RGSL1: variants seen among roughly 807,000 people sequenced by gnomAD.
RGSL1 encodes the protein regulator of G protein signaling like 1, also known as regulator of G protein signaling protein-like.
In RGSL1, 97 loss-of-function variants were observed where a neutral mutation model predicts 124.7. The ratio of observed to expected loss-of-function variants is 0.78; its 90% CI spans 0.66 to 0.92. RGSL1 has a LOEUF of 0.92. Among genes scored for constraint, RGSL1 ranks in the 40% least tolerant of loss-of-function variants. The pLI, the probability that RGSL1 is intolerant of heterozygous loss-of-function variation, is 0.00. For missense variants in RGSL1, 1,233 were observed against 1,288.4 expected, an observed-to-expected ratio of 0.96 and a Z score of 0.66; for synonymous variants, 424 against 438.1, an observed-to-expected ratio of 0.97 and a Z score of 0.40.
At chr1:182,490,994 G>A (rs1399727976) in intron 8 of RGSL1, among the ~76,000 whole-genome samples, 3 of 147,040 alleles carry the variant, frequency 2.0e-5, no homozygotes, top group South Asian at 2.2e-4. Context: ...AGACTCAAGC[G>A]AAGCTCCCAC....
At chr1:182,507,962 C>G (rs1656950781) in intron 9 of RGSL1, among the ~76,000 whole-genome samples, 1 of 152,130 alleles carries the variant, frequency 6.6e-6, no homozygotes, top group Non-Finnish European at 1.5e-5. Context: ...TTCAGCCTCT[C>G]AACATGCTGA....
intron 9 of RGSL1, among the ~76,000 whole-genome samples, chr1:182,511,391 C>T (rs971232625): frequency 2.0e-5 from 3 of 152,086 alleles, no homozygotes; most frequent in African/African-American, 7.2e-5. Flanking sequence ...CTCAAACTCC[C>T]GACCTCAGGT....
intron 21 of RGSL1, among the ~76,000 whole-genome samples, chr1:182,556,983 C>T (rs577168573): frequency 1.4e-3 from 220 of 152,316 alleles, no homozygotes; most frequent in Middle Eastern, 3.4e-3. Context: ...GCCAAAGCTT[C>T]CTGCTGTGCC....
intron 8 of RGSL1, 106 bp from the exon 9 acceptor site, chr1:182,492,916 A>G (rs1034761607): frequency 1.3e-6 from 1 of 764,270 alleles, no homozygotes; most frequent in South Asian, 1.5e-5. Flanking sequence ...AACGTGAGCC[A>G]CTGCGCCCAG....
intron 17 of RGSL1, 79 bp downstream of exon 17, chr1:182,548,903 A>G (rs1660393632): frequency 2.7e-6 from 4 of 1,501,986 alleles, no homozygotes; most frequent in African/African-American, 2.8e-5. Context: ...GCCTTCCTCT[A>G]GCACTCTGTT....
intron 3 of RGSL1, 138 bp downstream of exon 3, chr1:182,458,531 GCGATCTTA>G: frequency 1.4e-6 from 1 of 693,890 alleles, no homozygotes; most frequent in South Asian, 1.9e-5. Flanking sequence ...GTGCGGTGAT[GCGATCTTA>G]GCTCACTGCA....
chr1:182,548,475 C>T lies in RGSL1; in HGVS notation c.2808+20C>T, dbSNP rs1660358521. 6.5e-7 allele frequency: 1 copy of T among 1,550,042 alleles called. No homozygotes were observed. Among genetic ancestry groups the T allele is most frequent in the African/African-American group, 1.4e-5 (1 of 72,904 alleles). The stretch of plus-strand genomic sequence containing the variant: ...CTGAGGGTAAGAAAGACTCCCACTC[C>T]ACTCTGGCCTTTCACCAAGAAGCAT... On this transcript the variant is annotated intron_variant, in intron 16 of 21. Coordinates refer to ENST00000294854, the MANE Select transcript of RGSL1 (RefSeq NM_001137669.2).
intron 12 of RGSL1, 60 bp downstream of exon 12, chr1:182,530,421 CCATATGCAT>C: frequency 3.1e-6 from 4 of 1,286,634 alleles, no homozygotes; most frequent in South Asian, 1.3e-5. Flanking sequence ...CTTCTGAAAG[CCATATGCAT>C]CAAGGGTTTC....
chr1:182,535,328 C>T (rs1273337536), intron 14 of RGSL1, among the ~76,000 whole-genome samples: 4 of 152,184 alleles, frequency 2.6e-5, no homozygotes, highest in Non-Finnish European at 5.9e-5. Flanking sequence ...CCCATTGGAA[C>T]TTCCACTCCA....
In RGSL1 at chr1:182,550,780, G is replaced by A. The variant is rs1432781549; in HGVS notation, c.2934-320G>A. The A allele has an allele frequency of 1.1e-5, 3 of 261,620 alleles. No homozygotes were observed. In the East Asian group the frequency reaches 2.3e-4, roughly 20 times the overall value. The allele number at this position is 261,620 out of a possible 1,614,324, so 16.2% of individuals were successfully genotyped here. On this transcript the variant is annotated intron_variant, in intron 17 of 21. Transcript: ENST00000294854. The stretch of plus-strand genomic sequence containing the variant: ...GATAGGGATGTCAGAGTCTGATGCT[G>A]GGGTGCACCCCAGGGGTTAACCTCA...
intron 21 of RGSL1, among the ~76,000 whole-genome samples, chr1:182,559,600 C>T (rs557185349): frequency 1.3e-5 from 2 of 152,318 alleles, no homozygotes; most frequent in East Asian, 1.9e-4. Context: ...ATTTCCTCAG[C>T]GTGAAAGCTT....
chr1:182,460,216 T>C, intron 4 of RGSL1, 83 bp downstream of exon 4: 1 of 1,455,082 alleles, frequency 6.9e-7, no homozygotes, highest in Non-Finnish European at 9.1e-7. Flanking sequence ...TTCATAATAA[T>C]CTTATGCCTG....
intron 9 of RGSL1, among the ~76,000 whole-genome samples, chr1:182,493,537 G>C (rs1034144273): frequency 6.6e-6 from 1 of 152,196 alleles, no homozygotes; most frequent in African/African-American, 2.4e-5. Context: ...AGAGGTAGAT[G>C]CTGAACTGTG....
chr1:182,554,830 T>A lies in RGSL1; in HGVS notation c.3197+137T>A, dbSNP rs1013171500. On this transcript the variant is annotated intron_variant, in intron 20 of 21. Coordinates refer to ENST00000294854, the MANE Select transcript of RGSL1 (RefSeq NM_001137669.2). ...GGCATGCAGAACCTAGAAACTGAGC[T>A]TGCTGCCTCTGGTGGGAAGTTAAAG... The A allele has an allele frequency of 4.9e-6, 4 of 815,972 alleles. No homozygotes were observed. The African/African-American group carries it at 6.9e-5, about 14-fold the overall frequency. The allele number at this position is 815,972 out of a possible 1,614,324, so 50.5% of individuals were successfully genotyped here.
chr1:182,468,534 G>T (rs925913215), intron 4 of RGSL1, among the ~76,000 whole-genome samples: 2 of 152,030 alleles, frequency 1.3e-5, no homozygotes, highest in Non-Finnish European at 2.9e-5. Flanking sequence ...ACCAAACACC[G>T]CATGTTCTCA....
At position 182,466,577 on chromosome 1, in the gene RGSL1, A is replaced by G. The variant is rs201721097; in HGVS notation, c.302-5819A>G. Among the ~76,000 whole-genome samples the G allele has an allele frequency of 3.9e-5, 6 of 152,300 alleles. No individual in the cohort carries two copies. The East Asian group carries it at 1.2e-3, about 29-fold the overall frequency. On this transcript the variant is annotated intron_variant, in intron 4 of 21. Coordinates refer to ENST00000294854, the MANE Select transcript of RGSL1 (RefSeq NM_001137669.2). ...GGAAAATTATGTGAACAATTTCATT[A>G]AATAATAGCATTAAAAAGAATAAAA...
chr1:182,465,580 G>A (rs957100680), intron 4 of RGSL1, among the ~76,000 whole-genome samples: 7 of 151,936 alleles, frequency 4.6e-5, no homozygotes, highest in Non-Finnish European at 1.0e-4. Context: ...CCTGCACATT[G>A]TGCACATGTA....
intron 4 of RGSL1, among the ~76,000 whole-genome samples, chr1:182,467,328 G>A (rs1653425605): frequency 6.6e-6 from 1 of 152,122 alleles, no homozygotes; most frequent in Admixed American, 6.5e-5. Flanking sequence ...TAAGCCAAAA[G>A]AACAAAGCTG....
intron 4 of RGSL1, chr1:182,471,280 A>G: frequency 2.2e-6 from 1 of 457,536 alleles, no homozygotes; most frequent in Non-Finnish European, 4.4e-6. Flanking sequence ...TTTTCCTGGC[A>G]GCCAAGATGA....
Sources: allele counts gnomAD v4.1 joint callset (sites outside exome capture counted in the v4.1 genomes callset), GRCh38; gene constraint gnomAD v4.1.1; transcripts MANE v1.5; gene names NCBI Gene and HGNC (gene_info 2026-07-23, HGNC 2026-07-21).